CEP152: variants seen among roughly 807,000 people sequenced by gnomAD.
The protein encoded by CEP152 is centrosomal protein 152.
A neutral mutation model predicts 188.9 loss-of-function variants in CEP152; 132 were observed. The observed-to-expected ratio is 0.70, with a 90% CI of 0.61 to 0.81. The LOEUF is 0.81. CEP152 is among the 30% of genes least tolerant of loss of function. CEP152 has a pLI of 0.00. For missense variants in CEP152, 1,914 were observed against 1,969.8 expected, an observed-to-expected ratio of 0.97 and a Z score of 0.54; for synonymous variants, 649 against 666.6, an observed-to-expected ratio of 0.97 and a Z score of 0.41.
intron 9 of CEP152, 60 bp from the exon 10 acceptor site, chr15:48,784,180 T>G: frequency 1.3e-6 from 2 of 1,491,840 alleles, no homozygotes; most frequent in Non-Finnish European, 1.8e-6. Context: ...AAGAGTAAAC[T>G]AAAAATTATG....
At chr15:48,747,812 C>T (rs1264534223) in intron 22 of CEP152, among the ~76,000 whole-genome samples, 1 of 152,142 alleles carries the variant, frequency 6.6e-6, no homozygotes, top group East Asian at 1.9e-4. Flanking sequence ...TTCAGAGGGG[C>T]ACTGGGAAAT....
At chr15:48,776,538 A>G (rs1895918741) in intron 12 of CEP152, among the ~76,000 whole-genome samples, 1 of 152,156 alleles carries the variant, frequency 6.6e-6, no homozygotes, top group Admixed American at 6.5e-5. Context: ...AGATGTGAAT[A>G]AAGACTTGAC....
At chr15:48,752,570 G>GA (rs1476184226) in intron 20 of CEP152, 101 bp from the exon 21 acceptor site, 1 of 1,504,348 alleles carries the variant, frequency 6.6e-7, no homozygotes, top group Non-Finnish European at 8.8e-7. Context: ...AACACTACCT[G>GA]AAAAAAATCT....
In CEP152 at chr15:48,744,886, A is replaced by T. The variant is rs1277037262; in HGVS notation, c.3731+10T>A. 1 of 1,599,950 alleles carries T rather than the reference A, an allele frequency of 6.3e-7. No homozygotes were observed. Among genetic ancestry groups the T allele is most frequent in the Non-Finnish European group, 8.5e-7 (1 of 1,174,878 alleles). On this transcript the variant is annotated intron_variant, in intron 23 of 26. Coordinates refer to ENST00000380950, the MANE Select transcript of CEP152 (RefSeq NM_001194998.2). Reference sequence around the variant, plus strand: ...CTTTAAAATAGCACTTTAAAATAGTAAAAGTATACCTTGGTGGTGTTTTAC... The same window carrying T: ...CTTTAAAATAGCACTTTAAAATAGTTAAAGTATACCTTGGTGGTGTTTTAC...
At chr15:48,765,846 G>C (rs964614861) in intron 17 of CEP152, among the ~76,000 whole-genome samples, 4 of 151,608 alleles carry the variant, frequency 2.6e-5, no homozygotes, top group African/African-American at 9.7e-5. Context: ...TAGAGACGGG[G>C]TTTCACCGTG....
intron 1 of CEP152, 47 bp from the exon 2 acceptor site, chr15:48,805,703 TC>T (rs1362843634): frequency 1.5e-5 from 24 of 1,611,526 alleles, no homozygotes; most frequent in Middle Eastern, 1.7e-4. Context: ...ACATAAAATC[TC>T]CCCAGGACAA....
In CEP152 at chr15:48,762,645, C is replaced by T. The variant is rs1475093118; in HGVS notation, c.2308G>A (p.Glu770Lys). 6.2e-7 allele frequency: 1 copy of T among 1,613,730 alleles called. No homozygotes were observed. Among genetic ancestry groups the T allele is most frequent in the African/African-American group, 1.3e-5 (1 of 74,924 alleles). The change falls in exon 18 of 27, where the codon GAA (glutamate) becomes AAA (lysine). Residue 770 changes from glutamate to lysine, a missense_variant. Transcript: ENST00000380950. Reference sequence around the variant, plus strand: ...TCCAGCTTAGACTGCCACTCCTTTTCAAGCTGTTGAATGAGTTTTTCTTTG... The same window carrying T: ...TCCAGCTTAGACTGCCACTCCTTTTTAAGCTGTTGAATGAGTTTTTCTTTG... ...KIKEKLIQQL[E>K]KEWQSKLDQT... is the part of the protein sequence containing the mutation.
Position 48,738,269 on chromosome 15 carries a change from G to T in CEP152, c.5113C>A (p.Pro1705Thr). 1 of 1,613,028 alleles carries T rather than the reference G, an allele frequency of 6.2e-7. No individual in the cohort carries two copies. The highest frequency in any genetic ancestry group is 8.5e-7 in the Non-Finnish European group (1 of 1,179,440). ...SSQQDSGFDS[P>T]FVNLD ...CATAATTAGTCTAGATTAACAAATGGGCTATCAAAGCCACTATCTTGTTGG... is the reference window on the plus strand; with the variant it reads ...CATAATTAGTCTAGATTAACAAATGTGCTATCAAAGCCACTATCTTGTTGG... The change falls in exon 27 of 27, where the codon CCA becomes ACA. Residue 1705 changes from proline to threonine, a missense_variant. Physicochemically the swap from Pro to Thr is conservative, Grantham distance 38 (BLOSUM62 -1). Coordinates refer to ENST00000380950, the MANE Select transcript of CEP152 (RefSeq NM_001194998.2).
At chr15:48,775,151 G>T (rs552294639) in intron 12 of CEP152, among the ~76,000 whole-genome samples, 3 of 151,846 alleles carry the variant, frequency 2.0e-5, no homozygotes, top group Non-Finnish European at 4.4e-5. Context: ...AGAAACTGTA[G>T]TATAATATCA....
At chr15:48,734,877 G>A (rs1892545635), downstream of CEP152, among the ~76,000 whole-genome samples, 1 of 152,048 alleles carries the variant, frequency 6.6e-6, no homozygotes, top group South Asian at 2.1e-4. Flanking sequence ...AATACATGAA[G>A]CAAGAACTGA....
chr15:48,797,322 A>T lies in CEP152; in HGVS notation c.519T>A (p.Asp173Glu). Residue 173 changes from aspartate to glutamate, a missense_variant, in exon 5 of 27, where the codon GAT (aspartate) becomes GAA (glutamate). Coordinates refer to ENST00000380950, the MANE Select transcript of CEP152 (RefSeq NM_001194998.2). ...NQATNVIKFS[D>E]PQWNHFQGPS... ...ATACCTGAAAATGGTTCCATTGAGG[A>T]TCTGAAAATTTAATTACATTGGTTG... The T allele has an allele frequency of 6.2e-7, 1 of 1,614,132 alleles. No homozygotes were observed. The highest frequency in any genetic ancestry group is 8.5e-7 in the Non-Finnish European group (1 of 1,180,008).
intron 2 of CEP152, among the ~76,000 whole-genome samples, chr15:48,803,423 A>C (rs2140926717): frequency 6.6e-6 from 1 of 152,350 alleles, no homozygotes; most frequent in South Asian, 2.1e-4. Flanking sequence ...ATTTGTGAAC[A>C]GTTCCGAAGT....
rs1301122408 is a variant in CEP152 at position 48,739,062 on chromosome 15, ATG to A, written c.4318_4319del (p.His1440PhefsTer9). On this transcript the variant is annotated frameshift_variant, in exon 27 of 27. Coordinates refer to ENST00000380950, the MANE Select transcript of CEP152 (RefSeq NM_001194998.2). LOFTEE classifies it low-confidence loss of function (END_TRUNC). Reference protein sequence around the residue: ...SIKHVGSKETHLEFQFGDGSC... With the variant: ...SIKHVGSKETXLEFQFGDGSC... ...TACCATCCCCAAACTGGAATTCCAA[ATG>A]TGTCTCTTTGGATCCCACATGCTTT... 6.2e-7 allele frequency: 1 copy of A among 1,614,002 alleles called. No individual in the cohort carries two copies. The highest frequency in any genetic ancestry group is 2.2e-5 in the East Asian group (1 of 44,890).
chr15:48,798,198 A>G, intron 2 of CEP152, 147 bp from the exon 3 acceptor site: 1 of 684,466 alleles, frequency 1.5e-6, no homozygotes, highest in East Asian at 2.7e-5. Flanking sequence ...TTCCACACAA[A>G]TTATATTCAT....
At chr15:48,781,438 T>C (rs1380478190) in intron 11 of CEP152, 79 bp from the exon 12 acceptor site, 22 of 1,245,748 alleles carry the variant, frequency 1.8e-5, no homozygotes, top group African/African-American at 4.5e-5. Context: ...CAAAATTTGT[T>C]TTAATGATCA....
At chr15:48,758,447 G>A (rs1337682098) in intron 19 of CEP152, among the ~76,000 whole-genome samples, 2 of 152,108 alleles carry the variant, frequency 1.3e-5, no homozygotes, top group African/African-American at 4.8e-5. Flanking sequence ...GCCAGGTGCG[G>A]TGACTCCCAC....
chr15:48,799,131 G>C (rs1409973670), intron 2 of CEP152, among the ~76,000 whole-genome samples: 1 of 151,558 alleles, frequency 6.6e-6, no homozygotes, highest in Non-Finnish European at 1.5e-5. Flanking sequence ...GGATTTTAAA[G>C]ACTTTAAATA....
intron 9 of CEP152, among the ~76,000 whole-genome samples, chr15:48,786,792 A>G (rs1195247989): frequency 2.0e-5 from 3 of 152,228 alleles, no homozygotes; most frequent in Non-Finnish European, 4.4e-5. Context: ...CCAGCACAGA[A>G]TCAAGAATTT....
At chr15:48,791,607 G>C (rs1490716494) in intron 7 of CEP152, among the ~76,000 whole-genome samples, 1 of 152,064 alleles carries the variant, frequency 6.6e-6, no homozygotes, top group African/African-American at 2.4e-5. Flanking sequence ...GGAGTACAGT[G>C]GTATAATCTT....
Sources: allele counts gnomAD v4.1 joint callset (sites outside exome capture counted in the v4.1 genomes callset), GRCh38; gene constraint gnomAD v4.1.1; transcripts MANE v1.5; gene names NCBI Gene and HGNC (gene_info 2026-07-23, HGNC 2026-07-21).